LARP1B: variants seen among roughly 807,000 people sequenced by gnomAD.
LARP1B encodes la-related protein 1B.
In LARP1B, 76 loss-of-function variants were observed where a neutral mutation model predicts 114.2. That is an observed-to-expected ratio of 0.67 (90% CI 0.55 to 0.81). LARP1B has a LOEUF of 0.81. Among genes scored for constraint, LARP1B ranks in the 30% least tolerant of loss-of-function variants. The pLI is 0.00. For synonymous variants in LARP1B, 345 were observed against 348.0 expected, an observed-to-expected ratio of 0.99 and a Z score of 0.10; for missense variants, 1,014 against 1,075.8, an observed-to-expected ratio of 0.94 and a Z score of 0.80.
At chr4:128,162,674 G>A (rs1039722684) in intron 12 of LARP1B, among the ~76,000 whole-genome samples, 2 of 152,116 alleles carry the variant, frequency 1.3e-5, no homozygotes, top group African/African-American at 4.8e-5. Flanking sequence ...AGCTCTGTGT[G>A]AGAGTGTAAA....
At chr4:128,094,898 C>T (rs1042715977) in intron 7 of LARP1B, among the ~76,000 whole-genome samples, 6 of 151,976 alleles carry the variant, frequency 3.9e-5, no homozygotes, top group African/African-American at 1.4e-4. Flanking sequence ...ATTACAGGCA[C>T]GCAACACCAT....
intron 11 of LARP1B, among the ~76,000 whole-genome samples, chr4:128,143,495 A>C (rs367642229): frequency 1.5e-4 from 22 of 150,018 alleles, no homozygotes; most frequent in Middle Eastern, 3.4e-3. Flanking sequence ...TTGAAAATAC[A>C]ATCTCTAAAT....
intron 9 of LARP1B, chr4:128,107,700 T>A: frequency 7.0e-7 from 1 of 1,437,268 alleles, no homozygotes; most frequent in Non-Finnish European, 9.1e-7. Context: ...TTAATTTTGT[T>A]ACCAATACGC....
intron 11 of LARP1B, among the ~76,000 whole-genome samples, chr4:128,125,333 G>A (rs975822962): frequency 2.6e-5 from 4 of 152,236 alleles, no homozygotes; most frequent in South Asian, 2.1e-4. Context: ...TAACTTACTC[G>A]TGTAACCAAA....
intron 15 of LARP1B, among the ~76,000 whole-genome samples, chr4:128,187,234 C>T (rs1750670376): frequency 6.6e-6 from 1 of 152,224 alleles, no homozygotes; most frequent in African/African-American, 2.4e-5. Context: ...AGCCTGCATC[C>T]TCAGCCTCGA....
intron 15 of LARP1B, among the ~76,000 whole-genome samples, chr4:128,183,244 A>G (rs1428999406): frequency 2.0e-5 from 3 of 152,236 alleles, no homozygotes; most frequent in Admixed American, 2.0e-4. Flanking sequence ...GAAGCCATCT[A>G]GGACTTTCAT....
intron 11 of LARP1B, among the ~76,000 whole-genome samples, chr4:128,159,105 C>CA (rs1737189944): frequency 1.4e-5 from 2 of 148,092 alleles, no homozygotes; most frequent in African/African-American, 2.5e-5. Context: ...CCCAGGAGTT[C>CA]AAGGCTACAG....
At chr4:128,168,116 C>G (rs966875040) in intron 12 of LARP1B, among the ~76,000 whole-genome samples, 1 of 151,970 alleles carries the variant, frequency 6.6e-6, no homozygotes, top group Admixed American at 6.6e-5. Flanking sequence ...TTTCATTTCA[C>G]TTGGGTAAAT....
In LARP1B at chr4:128,073,590, T is replaced by TTG. The variant is rs1447166660; in HGVS notation, c.-77-869_-77-868insGT. On this transcript the variant is annotated intron_variant, in intron 1 of 19. Transcript: ENST00000326639. ...TGTTGTCGTTTTTTTTTTTTTTTTT[T>TTG]TTTTTTTTTTTTTTTTTTTGGACAG... 5.0e-3 allele frequency among the ~76,000 whole-genome samples: 233 copies of TTG among 46,482 alleles called. 4 individuals carry two copies. Among genetic ancestry groups the TTG allele is most frequent in the South Asian group, 0.015 (14 of 944 alleles). 30.5% of individuals were successfully genotyped at this position (46,482 alleles called of 152,430 possible). A position where few individuals can be genotyped will look rare whatever the true frequency, so the allele number is the denominator to read the frequency against.
chr4:128,131,698 A>G (rs1246282464), intron 11 of LARP1B, among the ~76,000 whole-genome samples: 6 of 152,306 alleles, frequency 3.9e-5, no homozygotes, highest in Admixed American at 1.3e-4. Context: ...AGCCTGAGCA[A>G]TCAAGCAAGT....
At chr4:128,076,836 C>G (rs1181118457) in intron 3 of LARP1B, among the ~76,000 whole-genome samples, 1 of 152,058 alleles carries the variant, frequency 6.6e-6, no homozygotes, top group Non-Finnish European at 1.5e-5. Flanking sequence ...AGTGACCCCC[C>G]CACCTCAGCC....
chr4:128,120,845 C>G (rs973042435), intron 10 of LARP1B, among the ~76,000 whole-genome samples: 4 of 143,826 alleles, frequency 2.8e-5, no homozygotes, highest in Non-Finnish European at 6.0e-5. Context: ...GAGTCTCGCT[C>G]TGTCTCCCAG....
intron 11 of LARP1B, among the ~76,000 whole-genome samples, chr4:128,131,807 A>C (rs965727288): frequency 2.0e-5 from 3 of 152,220 alleles, no homozygotes; most frequent in African/African-American, 7.2e-5. Flanking sequence ...AGCACTTGAA[A>C]AGTTGCTTAA....
chr4:128,086,905 A>G (rs1261725978), intron 5 of LARP1B, among the ~76,000 whole-genome samples: 2 of 151,982 alleles, frequency 1.3e-5, no homozygotes, highest in Admixed American at 6.6e-5. Context: ...GATTACAGGT[A>G]TGAGCCACTG....
At chr4:128,155,645 T>C in intron 11 of LARP1B, 2 of 1,513,002 alleles carry the variant, frequency 1.3e-6, no homozygotes, top group Non-Finnish European at 9.2e-7. Flanking sequence ...ATCCGGGCCC[T>C]GGGGCCGCCT....
intron 15 of LARP1B, among the ~76,000 whole-genome samples, chr4:128,185,347 T>C (rs1749959418): frequency 6.6e-6 from 1 of 152,208 alleles, no homozygotes; most frequent in Admixed American, 6.5e-5. Flanking sequence ...CATTATTTTT[T>C]GTTTTCTTGA....
intron 8 of LARP1B, among the ~76,000 whole-genome samples, chr4:128,104,348 G>A (rs1270522276): frequency 6.6e-6 from 1 of 152,086 alleles, no homozygotes; most frequent in Non-Finnish European, 1.5e-5. Context: ...ATTTCTGTGA[G>A]ATTTATTCAT....
intron 11 of LARP1B, among the ~76,000 whole-genome samples, chr4:128,147,052 T>A (rs1730658135): frequency 6.6e-6 from 1 of 152,234 alleles, no homozygotes; most frequent in African/African-American, 2.4e-5. Context: ...TCTATCCATT[T>A]ATTCATTTAA....
intron 8 of LARP1B, among the ~76,000 whole-genome samples, chr4:128,099,959 T>G (rs1018011826): frequency 6.6e-6 from 1 of 152,004 alleles, no homozygotes; most frequent in Non-Finnish European, 1.5e-5. Flanking sequence ...GGGTTTTTTA[T>G]TTTTTTGGGA....
Sources: gnomAD v4.1 joint callset for allele counts (sites outside exome capture counted in the v4.1 genomes callset) on GRCh38, gnomAD v4.1.1 for gene constraint, MANE v1.5 for transcripts, NCBI Gene and HGNC (gene_info 2026-07-23, HGNC 2026-07-21) for gene names.